Variants in CHST11 observed in about 807,000 individuals in gnomAD.
The protein encoded by CHST11 is carbohydrate sulfotransferase 11.
Under a neutral mutation model 30.4 loss-of-function variants are expected in CHST11, and 9 were observed. The ratio of observed to expected loss-of-function variants is 0.30; its 90% CI spans 0.18 to 0.52. CHST11 has a LOEUF of 0.52. CHST11 is among the 20% of genes least tolerant of loss of function. The pLI is 0.97. For synonymous variants in CHST11, 152 were observed against 187.8 expected (o/e 0.81, Z 1.56); for missense variants, 348 against 460.6 (o/e 0.76, Z 2.24).
intron 2 of CHST11, among the ~76,000 whole-genome samples, chr12:104,735,271 C>G (rs558623018): frequency 6.6e-6 from 1 of 152,134 alleles, no homozygotes; most frequent in Non-Finnish European, 1.5e-5. Context: ...AAATATAATA[C>G]GTCTCTACCT....
intron 2 of CHST11, among the ~76,000 whole-genome samples, chr12:104,687,392 T>G (rs2039856182): frequency 6.6e-6 from 1 of 152,256 alleles, no homozygotes; most frequent in South Asian, 2.1e-4. Context: ...TCTCATTTAT[T>G]GAGCACTTAC....
intron 1 of CHST11, among the ~76,000 whole-genome samples, chr12:104,582,968 C>T (rs1411429401): frequency 6.6e-6 from 1 of 151,922 alleles, no homozygotes; most frequent in Admixed American, 6.6e-5. Flanking sequence ...GCTTCATATC[C>T]TCTTGTAGCT....
At position 104,474,916 on chromosome 12, in the gene CHST11, C is replaced by A. The variant is rs567789591; in HGVS notation, c.118+17387C>A. Among the ~76,000 whole-genome samples, 88 of 152,300 alleles carry A rather than the reference C, an allele frequency of 5.8e-4. No individual in the cohort carries two copies. The East Asian group carries it at 0.014, about 25-fold the overall frequency. The stretch of plus-strand genomic sequence containing the variant: ...GACGGCGGTAGGGGGTCCCAGTAAA[C>A]CCCACCCCCATCAGAGTGGCTCCTT... On this transcript the variant is annotated intron_variant, in intron 1 of 2. Transcript: ENST00000303694.
intron 2 of CHST11, among the ~76,000 whole-genome samples, chr12:104,661,119 C>T (rs2039594217): frequency 6.6e-6 from 1 of 152,188 alleles, no homozygotes; most frequent in East Asian, 1.9e-4. Context: ...CGCCTGAGTT[C>T]TGTGTCTCTG....
intron 2 of CHST11, among the ~76,000 whole-genome samples, chr12:104,625,327 G>A (rs549837585): frequency 1.3e-5 from 2 of 152,136 alleles, no homozygotes; most frequent in South Asian, 2.1e-4. Flanking sequence ...TTTCTGAGAC[G>A]GAGTTTCGCT....
rs1252749383 is a variant in CHST11 at position 104,757,993 on chromosome 12, G to T, written c.*190G>T. On this transcript the variant is annotated 3_prime_UTR_variant, in exon 3 of 3. Transcript: ENST00000303694. This position sits in a 1 kb window ranked among gnomAD's most constrained non-coding sequence, Gnocchi z 6.5. Reference sequence around the variant, plus strand: ...CTGTCTTTGCAGGGGAAATAGGATGGGTCGTCCTTGTCTGTAGAAGTGAAT... The same window carrying T: ...CTGTCTTTGCAGGGGAAATAGGATGTGTCGTCCTTGTCTGTAGAAGTGAAT... 1 of 634,532 alleles carries T rather than the reference G, an allele frequency of 1.6e-6. No individual in the cohort carries two copies. The highest frequency in any genetic ancestry group is 2.6e-6 in the Non-Finnish European group (1 of 377,396). The allele number at this position is 634,532 out of a possible 1,614,324, so 39.3% of individuals were successfully genotyped here.
At chr12:104,615,069 T>A (rs1327498824) in intron 2 of CHST11, among the ~76,000 whole-genome samples, 1 of 152,176 alleles carries the variant, frequency 6.6e-6, no homozygotes, top group Admixed American at 6.5e-5. Flanking sequence ...GGGAGACACT[T>A]GACAGATTGG....
At chr12:104,525,663 C>T (rs1444940011) in intron 1 of CHST11, among the ~76,000 whole-genome samples, 1 of 152,160 alleles carries the variant, frequency 6.6e-6, no homozygotes, top group African/African-American at 2.4e-5. Context: ...GTACTCAACA[C>T]AGGCCTGGGA....
At chr12:104,697,322 C>G (rs1365265699) in intron 2 of CHST11, among the ~76,000 whole-genome samples, 1 of 152,198 alleles carries the variant, frequency 6.6e-6, no homozygotes, top group African/African-American at 2.4e-5. Context: ...AGAGATTAGT[C>G]TTTGAATCAG....
intron 1 of CHST11, among the ~76,000 whole-genome samples, chr12:104,528,616 G>A (rs1473877054): frequency 6.6e-6 from 1 of 152,210 alleles, no homozygotes; most frequent in African/African-American, 2.4e-5. Context: ...AGACCTGGAG[G>A]AGTTTTCCAA....
At chr12:104,670,483 ACACT>A (rs374860963) in intron 2 of CHST11, among the ~76,000 whole-genome samples, 3,021 of 147,372 alleles carry the variant, frequency 0.02, 100 homozygotes, top group African/African-American at 0.071. Flanking sequence ...ACACACACAC[ACACT>A]CACACTCATA....
intron 1 of CHST11, among the ~76,000 whole-genome samples, chr12:104,544,396 G>T (rs1008409104): frequency 6.6e-6 from 1 of 152,036 alleles, no homozygotes; most frequent in Middle Eastern, 3.2e-3. Flanking sequence ...GAGGATAAGG[G>T]AGAAAATGTA....
intron 2 of CHST11, among the ~76,000 whole-genome samples, chr12:104,696,469 T>C (rs2039945795): frequency 9.2e-6 from 1 of 109,152 alleles, no homozygotes. Flanking sequence ...AAACCCCGAC[T>C]CTGCTAAAAA....
intron 2 of CHST11, among the ~76,000 whole-genome samples, chr12:104,642,294 T>G (rs1340939094): frequency 6.6e-6 from 1 of 152,142 alleles, no homozygotes; most frequent in East Asian, 1.9e-4. Context: ...AAAATGCTCA[T>G]GAGACATACA....
chr12:104,550,863 G>A (rs564928279), intron 1 of CHST11, among the ~76,000 whole-genome samples: 1 of 152,208 alleles, frequency 6.6e-6, no homozygotes, highest in Non-Finnish European at 1.5e-5. Flanking sequence ...TGCAGGCTTT[G>A]AACTTCTCAC....
chr12:104,731,636 C>CGTG (rs1455934493), intron 2 of CHST11, among the ~76,000 whole-genome samples: 1 of 152,184 alleles, frequency 6.6e-6, no homozygotes, highest in Non-Finnish European at 1.5e-5. Flanking sequence ...ACGGACTCAG[C>CGTG]CTCTGCGGGC....
At chr12:104,558,296 C>T (rs934481583) in intron 1 of CHST11, among the ~76,000 whole-genome samples, 3 of 152,030 alleles carry the variant, frequency 2.0e-5, no homozygotes, top group African/African-American at 7.2e-5. Flanking sequence ...GAAACCGAGC[C>T]CCTAGCCCTC....
At chr12:104,515,843 A>G (rs2038017027) in intron 1 of CHST11, among the ~76,000 whole-genome samples, 1 of 152,194 alleles carries the variant, frequency 6.6e-6, no homozygotes, top group Admixed American at 6.5e-5. Context: ...GCTTAGGCAG[A>G]GGGCGAAGCA....
At chr12:104,612,890 T>C (rs1000779890) in intron 2 of CHST11, among the ~76,000 whole-genome samples, 1 of 152,184 alleles carries the variant, frequency 6.6e-6, no homozygotes, top group Non-Finnish European at 1.5e-5. Context: ...ACCAGCACTC[T>C]CACTGTAGCA....
Sources: allele counts gnomAD v4.1 joint callset (sites outside exome capture counted in the v4.1 genomes callset), GRCh38; gene constraint gnomAD v4.1.1; non-coding constraint Gnocchi (gnomAD v3.1); transcripts MANE v1.5; gene names NCBI Gene and HGNC (gene_info 2026-07-23, HGNC 2026-07-21).